The following SNX25 variants were observed in gnomAD, a reference collection of about 807,000 sequenced individuals.
The protein encoded by SNX25 is sorting nexin 25, also known as sorting nexin-25.
In SNX25, 62 loss-of-function variants were observed where a neutral mutation model predicts 113.7. The ratio of observed to expected loss-of-function variants is 0.55; its 90% CI spans 0.44 to 0.67. The LOEUF (loss-of-function observed/expected upper bound fraction) is 0.67, where lower values mean the gene tolerates loss of function less well. Ranked by LOEUF, SNX25 falls within the 30% of genes least tolerant of loss-of-function variation. The pLI is 0.00. For synonymous variants in SNX25, 421 were observed against 436.2 expected (o/e 0.97, Z 0.43); for missense variants, 1,014 against 1,161.0 (o/e 0.87, Z 1.84).
At chr4:185,349,179 T>TA (rs911023507) in intron 13 of SNX25, among the ~76,000 whole-genome samples, 53 of 152,092 alleles carry the variant, frequency 3.5e-4, no homozygotes, top group African/African-American at 1.0e-3. Flanking sequence ...CTGATGAGCT[T>TA]AAAAAAAATC....
chr4:185,327,754 A>G (rs1180012445), intron 9 of SNX25, among the ~76,000 whole-genome samples: 1 of 152,220 alleles, frequency 6.6e-6, no homozygotes, highest in African/African-American at 2.4e-5. Context: ...AGGGTATTTC[A>G]TTAAATAGTT....
chr4:185,314,387 G>A (rs2095054121), intron 7 of SNX25, among the ~76,000 whole-genome samples: 1 of 149,608 alleles, frequency 6.7e-6, no homozygotes, highest in Non-Finnish European at 1.5e-5. Flanking sequence ...CTAGAAGGAA[G>A]GAAAGAAAAA....
intron 1 of SNX25, among the ~76,000 whole-genome samples, chr4:185,239,974 G>A (rs910792879): frequency 4.9e-4 from 73 of 150,316 alleles, no homozygotes; most frequent in African/African-American, 1.5e-3. Flanking sequence ...GACTCTTAAC[G>A]AGCATGCTTC....
rs1185581067 is a variant in SNX25, at chr4:185,232,611, G to A, written c.430-14683G>A. On this transcript the variant is annotated intron_variant, in intron 1 of 18. Transcript: ENST00000652585. This position sits in a 1 kb window ranked among gnomAD's most constrained non-coding sequence, Gnocchi z 4.4. ...CATTATGGTATTCCAGGACAGTAAT[G>A]GAGTACAAAACAGTGATTGATTTCA... Among the ~76,000 whole-genome samples the A allele has an allele frequency of 6.6e-6, 1 of 152,130 alleles. No homozygotes were observed. The highest frequency in any genetic ancestry group is 1.5e-5 in the Non-Finnish European group (1 of 68,024).
intron 15 of SNX25, among the ~76,000 whole-genome samples, chr4:185,355,113 G>A (rs2095333470): frequency 6.6e-6 from 1 of 152,196 alleles, no homozygotes; most frequent in Non-Finnish European, 1.5e-5. Context: ...AATTTCAAGT[G>A]CAACTTGAAT....
At chr4:185,309,831 A>C (rs1162481845) in intron 6 of SNX25, among the ~76,000 whole-genome samples, 2 of 152,218 alleles carry the variant, frequency 1.3e-5, no homozygotes, top group Non-Finnish European at 2.9e-5. Flanking sequence ...CATTTATGGC[A>C]CATTCCTGCT....
intron 1 of SNX25, among the ~76,000 whole-genome samples, chr4:185,211,377 A>G (rs537182167): frequency 6.6e-6 from 1 of 152,294 alleles, no homozygotes; most frequent in Admixed American, 6.5e-5. Context: ...CTCAAAAATT[A>G]GTAAAGTTGG....
intron 1 of SNX25, among the ~76,000 whole-genome samples, chr4:185,224,909 C>G (rs913067969): frequency 6.6e-6 from 1 of 151,556 alleles, no homozygotes; most frequent in Non-Finnish European, 1.5e-5. Context: ...CTGGAATTAA[C>G]CATTTCTCCA....
upstream of SNX25, among the ~76,000 whole-genome samples, chr4:185,207,112 G>A (rs1737220912): frequency 1.3e-5 from 2 of 152,040 alleles, no homozygotes; most frequent in Admixed American, 1.3e-4. Context: ...CACTGACCCA[G>A]GGGCAATCTT....
intron 8 of SNX25, among the ~76,000 whole-genome samples, chr4:185,323,151 A>G (rs2095133017): frequency 6.6e-6 from 1 of 152,180 alleles, no homozygotes; most frequent in Non-Finnish European, 1.5e-5. Flanking sequence ...TGGGATGAGA[A>G]ATGGCACTTC....
At chr4:185,351,216 CAG>C (rs1405038933) in intron 13 of SNX25, among the ~76,000 whole-genome samples, 1 of 152,216 alleles carries the variant, frequency 6.6e-6, no homozygotes, top group Non-Finnish European at 1.5e-5. Context: ...CTCCCATGAG[CAG>C]AGTGATTTGG....
At chr4:185,231,102 G>T (rs1241677500) in intron 1 of SNX25, among the ~76,000 whole-genome samples, 40 of 140,542 alleles carry the variant, frequency 2.8e-4, no homozygotes, top group East Asian at 1.1e-3. Context: ...CCTTTTTTTT[G>T]TTTTTTTTTT....
intron 4 of SNX25, among the ~76,000 whole-genome samples, 183 bp from the exon 5 acceptor site, chr4:185,266,786 G>A (rs1347829932): frequency 1.3e-5 from 2 of 152,212 alleles, no homozygotes; most frequent in Non-Finnish European, 2.9e-5. Context: ...ATATTTGGAG[G>A]GATAGGCAGC....
intron 1 of SNX25, among the ~76,000 whole-genome samples, chr4:185,235,097 G>A (rs574710838): frequency 3.9e-5 from 6 of 152,268 alleles, no homozygotes; most frequent in African/African-American, 7.2e-5. Flanking sequence ...GTAGTCTCTC[G>A]GTCTATCTTA....
intron 1 of SNX25, among the ~76,000 whole-genome samples, chr4:185,242,007 T>C (rs1006131898): frequency 2.0e-5 from 3 of 152,182 alleles, no homozygotes; most frequent in African/African-American, 7.2e-5. Context: ...TTAGCTTCTT[T>C]CTCTTTTTTT....
intron 5 of SNX25, among the ~76,000 whole-genome samples, chr4:185,273,299 G>T (rs890719593): frequency 6.6e-6 from 1 of 152,162 alleles, no homozygotes; most frequent in Non-Finnish European, 1.5e-5. Context: ...TAGAGACAGG[G>T]TCTCACTCTG....
upstream of SNX25, among the ~76,000 whole-genome samples, chr4:185,205,969 A>G (rs1261406288): frequency 6.6e-6 from 1 of 152,238 alleles, no homozygotes; most frequent in Non-Finnish European, 1.5e-5. Context: ...CAAGTCAAAA[A>G]CACAATGAGA....
chr4:185,331,546 C>T (rs1013846898), intron 9 of SNX25, among the ~76,000 whole-genome samples: 4 of 152,052 alleles, frequency 2.6e-5, no homozygotes, highest in Non-Finnish European at 4.4e-5. Context: ...TTTGGGAGGA[C>T]GAGGCAGGTG....
rs373302414 is a variant in SNX25 at position 185,277,547 on chromosome 4, A to C, written c.1091+10392A>C. ...CCATGGCCGATTTAAAGCCACCAGCATGACGTCACTGAACGTGGACTTGGG... is the reference window on the plus strand; with the variant it reads ...CCATGGCCGATTTAAAGCCACCAGCCTGACGTCACTGAACGTGGACTTGGG... On this transcript the variant is annotated intron_variant, in intron 5 of 18. Transcript: ENST00000652585. Among the ~76,000 whole-genome samples, 8 of 152,270 alleles carry C rather than the reference A, an allele frequency of 5.3e-5. No individual in the cohort carries two copies. The East Asian group carries it at 1.4e-3, about 26-fold the overall frequency.
Sources: gnomAD v4.1 joint callset for allele counts (sites outside exome capture counted in the v4.1 genomes callset) on GRCh38, gnomAD v4.1.1 for gene constraint, Gnocchi (gnomAD v3.1) non-coding constraint, MANE v1.5 for transcripts, NCBI Gene and HGNC (gene_info 2026-07-23, HGNC 2026-07-21) for gene names.